The following GPHN variants were observed in gnomAD, a reference collection of about 807,000 sequenced individuals.
GPHN encodes the protein gephyrin.
Under a neutral mutation model 95.5 loss-of-function variants are expected in GPHN, and 17 were observed. That is an observed-to-expected ratio of 0.18 (90% confidence interval 0.12 to 0.27). The LOEUF (loss-of-function observed/expected upper bound fraction) is 0.27, where lower values mean the gene tolerates loss of function less well. Among genes scored for constraint, GPHN ranks in the 10% least tolerant of loss-of-function variants. The pLI is 1.00. For missense variants in GPHN, 660 were observed against 978.1 expected, an observed-to-expected ratio of 0.67 and a Z score of 4.34; for synonymous variants, 320 against 322.5, an observed-to-expected ratio of 0.99 and a Z score of 0.08.
intron 2 of GPHN, among the ~76,000 whole-genome samples, chr14:66,753,529 A>T (rs1476771337): frequency 6.6e-6 from 1 of 152,076 alleles, no homozygotes; most frequent in Non-Finnish European, 1.5e-5. Context: ...AAAATTTTAA[A>T]GAAAGTTATA....
the GPHN span, among the ~76,000 whole-genome samples, chr14:67,552,385 G>A: frequency 6.6e-6 from 1 of 152,196 alleles, no homozygotes; most frequent in Non-Finnish European, 1.5e-5. Flanking sequence ...GGGCTAAAGT[G>A]TTCAGACATT....
chr14:67,657,901 A>T, the GPHN span, among the ~76,000 whole-genome samples: 6 of 152,052 alleles, frequency 3.9e-5, no homozygotes, highest in Non-Finnish European at 5.9e-5. Flanking sequence ...GGCACCCGCC[A>T]CCACGCCCAG....
chr14:67,618,022 G>A, the GPHN span, among the ~76,000 whole-genome samples: 1 of 152,176 alleles, frequency 6.6e-6, no homozygotes, highest in African/African-American at 2.4e-5. Flanking sequence ...CCCAGCGGAA[G>A]CAAGAGGTTT....
At chr14:67,537,802 C>G in the GPHN span, among the ~76,000 whole-genome samples, 1 of 152,172 alleles carries the variant, frequency 6.6e-6, no homozygotes, top group Non-Finnish European at 1.5e-5. Context: ...TAATGACTTC[C>G]TGTGCCACCT....
At chr14:66,637,524 A>G (rs184843813) in intron 1 of GPHN, among the ~76,000 whole-genome samples, 2 of 152,302 alleles carry the variant, frequency 1.3e-5, no homozygotes, top group African/African-American at 4.8e-5. Context: ...AGTCTAATGC[A>G]TACTAGAGAC....
In GPHN at chr14:66,575,687, C is replaced by G. The variant is rs368557488; in HGVS notation, c.64+67096C>G. Reference sequence around the variant, plus strand: ...ATGTCTGCTGGAGCAGGCCTGGATCCTGGGTGCCTGGGGGCTGTCTTGGCA... The same window carrying G: ...ATGTCTGCTGGAGCAGGCCTGGATCGTGGGTGCCTGGGGGCTGTCTTGGCA... On this transcript the variant is annotated intron_variant, in intron 1 of 22. Transcript: ENST00000478722. 2.4e-4 allele frequency among the ~76,000 whole-genome samples: 37 copies of G among 152,110 alleles called. No homozygotes were observed. The South Asian group carries it at 6.6e-3, about 27-fold the overall frequency.
chr14:67,488,331 A>G, the GPHN span, among the ~76,000 whole-genome samples: 2 of 152,252 alleles, frequency 1.3e-5, no homozygotes, highest in African/African-American at 4.8e-5. Flanking sequence ...AAAGGGCAGG[A>G]GTGGGGGAAC....
At chr14:66,625,981 C>T (rs7157919) in intron 1 of GPHN, among the ~76,000 whole-genome samples, 47,793 of 152,074 alleles carry the variant, frequency 0.31, 11,528 homozygotes, top group African/African-American at 0.65. Context: ...TATCATAGGG[C>T]ATTTTCTCTT....
chr14:67,089,143 T>A, intron 12 of GPHN, 68 bp downstream of exon 12: 1 of 504,202 alleles, frequency 2.0e-6, no homozygotes, highest in Non-Finnish European at 3.6e-6. Flanking sequence ...CTTTTTTTTT[T>A]TTTTTTTTTT....
At chr14:67,044,767 CTCTCTCTGTCTCTCTCTCTGTCTT>C (rs1230939566) in intron 10 of GPHN, among the ~76,000 whole-genome samples, 4 of 151,474 alleles carry the variant, frequency 2.6e-5, no homozygotes, top group Admixed American at 6.6e-5. Context: ...TCCTGTCTCC[CTCTCTCTGTCTCTCTCTCTGTCTT>C]TCTCTCTGTC....
chr14:66,869,707 A>T (rs2063358386), intron 4 of GPHN, among the ~76,000 whole-genome samples: 1 of 152,208 alleles, frequency 6.6e-6, no homozygotes, highest in African/African-American at 2.4e-5. Flanking sequence ...TGTAAGAAGA[A>T]TTGGAAAGTA....
chr14:67,157,763 G>A (rs1402446944), intron 18 of GPHN, among the ~76,000 whole-genome samples: 1 of 151,804 alleles, frequency 6.6e-6, no homozygotes, highest in Non-Finnish European at 1.5e-5. Context: ...AGGAGGCGAA[G>A]GTCGCAGTGA....
the GPHN span, among the ~76,000 whole-genome samples, chr14:67,275,604 C>A: frequency 8.6e-5 from 13 of 151,952 alleles, no homozygotes; most frequent in East Asian, 1.9e-4. Flanking sequence ...TGTCTCTGCC[C>A]GGCTTTGGTA....
At chr14:67,302,439 T>C in the GPHN span, 1 of 1,597,380 alleles carries the variant, frequency 6.3e-7, no homozygotes, top group Non-Finnish European at 8.5e-7. Context: ...AAATGGACTC[T>C]GTCATCATTA....
At chr14:67,301,605 T>C in the GPHN span, 6 of 499,664 alleles carry the variant, frequency 1.2e-5, no homozygotes, top group African/African-American at 2.0e-5. Context: ...TATAACATAG[T>C]AGTTATTGTT....
intron 1 of GPHN, among the ~76,000 whole-genome samples, chr14:66,510,977 A>G (rs117926627): frequency 0.012 from 1,839 of 152,324 alleles, 20 homozygotes; most frequent in Non-Finnish European, 0.018. Context: ...AAAGGCAGCT[A>G]CAGATTTGGA....
chr14:67,600,329 C>CTG, the GPHN span: 2 of 793,718 alleles, frequency 2.5e-6, no homozygotes, highest in Non-Finnish European at 1.9e-6. Flanking sequence ...GCCTGCGCAG[C>CTG]CTCAGTTGCG....
chr14:67,587,470 GAAT>G, the GPHN span: 1 of 555,796 alleles, frequency 1.8e-6, no homozygotes, highest in African/African-American at 1.9e-5. Flanking sequence ...TTTTTCATAA[GAAT>G]AATGACTCCA....
At chr14:67,710,037 G>C in the GPHN span, among the ~76,000 whole-genome samples, 2 of 152,202 alleles carry the variant, frequency 1.3e-5, no homozygotes, top group Non-Finnish European at 2.9e-5. Context: ...TTGTGACCTG[G>C]AAGCTCCCTC....
Sources: allele counts gnomAD v4.1 joint callset (sites outside exome capture counted in the v4.1 genomes callset), GRCh38; gene constraint gnomAD v4.1.1; transcripts MANE v1.5; gene names NCBI Gene and HGNC (gene_info 2026-07-23, HGNC 2026-07-21).